Variants in TSPEAR observed in about 807,000 individuals in gnomAD.
TSPEAR encodes the protein thrombospondin type laminin G domain and EAR repeats.
In TSPEAR, 69 loss-of-function variants were observed where a neutral mutation model predicts 71.6. The observed-to-expected ratio is 0.96, with a 90% CI of 0.79 to 1.18. The LOEUF (loss-of-function observed/expected upper bound fraction) is 1.18, where lower values mean the gene tolerates loss of function less well. Ranked by LOEUF, TSPEAR falls within the 50% of genes most tolerant of loss-of-function variation. TSPEAR has a pLI of 0.00. For synonymous variants in TSPEAR, 402 were observed against 387.2 expected, an observed-to-expected ratio of 1.04 and a Z score of -0.45; for missense variants, 971 against 894.9, an observed-to-expected ratio of 1.09 and a Z score of -1.09.
chr21:44,600,342 CA>C lies in TSPEAR; in HGVS notation c.83-32338del, dbSNP rs1555928275. Among the ~76,000 whole-genome samples the C allele has an allele frequency of 2.0e-5, 3 of 152,234 alleles. No homozygotes were observed. In the South Asian group the frequency reaches 6.2e-4, roughly 32 times the overall value. On this transcript the variant is annotated intron_variant, in intron 1 of 11. Transcript: ENST00000323084. ...CTACTTCAATATTATGCTCTGGAGCCAAAGGTAGGTGAGGGTGCGTCAACGG... is the reference window on the plus strand; with the variant it reads ...CTACTTCAATATTATGCTCTGGAGCCAAGGTAGGTGAGGGTGCGTCAACGG...
chr21:44,549,911 G>C (rs1367068147), intron 2 of TSPEAR, among the ~76,000 whole-genome samples: 1 of 152,230 alleles, frequency 6.6e-6, no homozygotes, highest in Non-Finnish European at 1.5e-5. Flanking sequence ...GCCCCTGAGC[G>C]TATGTGAGTG....
At chr21:44,550,875 G>A (rs2053408412) in intron 2 of TSPEAR, 1 of 1,535,490 alleles carries the variant, frequency 6.5e-7, no homozygotes, top group South Asian at 1.2e-5. Flanking sequence ...ACAGCAGATG[G>A]ACTTGCAGCA....
chr21:44,646,079 C>T (rs11088954), intron 1 of TSPEAR, among the ~76,000 whole-genome samples: 69,369 of 136,816 alleles, frequency 0.51, 17,396 homozygotes, highest in East Asian at 0.62. Context: ...GAGCTGAGAT[C>T]GCGCCACTGC....
intron 9 of TSPEAR, among the ~76,000 whole-genome samples, chr21:44,514,530 A>G (rs587771798): frequency 1.3e-5 from 2 of 152,356 alleles, no homozygotes; most frequent in African/African-American, 2.4e-5. Context: ...GACAGCTGCA[A>G]TCACAGAAGC....
intron 1 of TSPEAR, among the ~76,000 whole-genome samples, chr21:44,653,902 A>G (rs1984960843): frequency 6.6e-6 from 1 of 152,188 alleles, no homozygotes; most frequent in Admixed American, 6.5e-5. Context: ...CCTTCTCTGC[A>G]GGGAAGGAGC....
At chr21:44,673,040 C>T (rs1007170617) in intron 1 of TSPEAR, among the ~76,000 whole-genome samples, 1 of 152,150 alleles carries the variant, frequency 6.6e-6, no homozygotes, top group African/African-American at 2.4e-5. Flanking sequence ...AATGCAAGAA[C>T]GTACTAATAC....
chr21:44,522,399 G>T lies in TSPEAR; in HGVS notation c.1337-287C>A, dbSNP rs587672083. Among the ~76,000 whole-genome samples, 3 of 152,342 alleles carry T rather than the reference G, an allele frequency of 2.0e-5. No individual in the cohort carries two copies. The East Asian group carries it at 5.8e-4, about 29-fold the overall frequency. ...TCCATGGCCTCCCCGTGTCCTGGAG[G>T]TGGGGCCCACCGTGTCCTGGCCCCG... On this transcript the variant is annotated intron_variant, in intron 8 of 11. Coordinates refer to ENST00000323084, the MANE Select transcript of TSPEAR (RefSeq NM_144991.3).
In TSPEAR at chr21:44,637,216, T is replaced by C. The variant is rs1460131880; in HGVS notation, c.83-69211A>G. ...TTAGGAGCAGAGTGAGGACAAGTCATGGCAAAGGAAGCAGAAATAATGAGG... is the reference window on the plus strand; with the variant it reads ...TTAGGAGCAGAGTGAGGACAAGTCACGGCAAAGGAAGCAGAAATAATGAGG... On this transcript the variant is annotated intron_variant, in intron 1 of 11. Coordinates refer to ENST00000323084, the MANE Select transcript of TSPEAR (RefSeq NM_144991.3). 20 of 714,846 alleles carry C rather than the reference T, an allele frequency of 2.8e-5. No homozygotes were observed. The African/African-American group carries it at 3.2e-4, about 12-fold the overall frequency. The allele number at this position is 714,846 out of a possible 1,614,324, so 44.3% of individuals were successfully genotyped here.
intron 1 of TSPEAR, among the ~76,000 whole-genome samples, chr21:44,696,069 G>C (rs1185387469): frequency 2.0e-5 from 3 of 152,068 alleles, no homozygotes; most frequent in Non-Finnish European, 4.4e-5. Flanking sequence ...CAACCTCCTA[G>C]AACAACCCCT....
rs587669590 is a variant in TSPEAR, at chr21:44,516,811, T to TCTATGTACGCTGCTTTTCAACAAGTTTC, written c.1566+5044_1566+5071dup. ...ACCTGCTTCGTCCTTGGACCTGTGA[T>TCTATGTACGCTGCTTTTCAACAAGTTTC]CTATGTACGCTGCTTTTCAACAAGT... On this transcript the variant is annotated intron_variant, in intron 9 of 11. Coordinates refer to ENST00000323084, the MANE Select transcript of TSPEAR (RefSeq NM_144991.3). Among the ~76,000 whole-genome samples the TCTATGTACGCTGCTTTTCAACAAGTTTC allele has an allele frequency of 7.6e-4, 116 of 152,328 alleles. 1 individual carries two copies. Among genetic ancestry groups the TCTATGTACGCTGCTTTTCAACAAGTTTC allele is most frequent in the African/African-American group, 2.7e-3 (112 of 41,576 alleles).
intron 1 of TSPEAR, among the ~76,000 whole-genome samples, chr21:44,662,553 A>C (rs887078181): frequency 1.3e-5 from 2 of 152,254 alleles, no homozygotes; most frequent in Non-Finnish European, 2.9e-5. Context: ...TTCAGCTTCA[A>C]GAGAACAAGT....
At chr21:44,669,791 A>G (rs1985970423) in intron 1 of TSPEAR, among the ~76,000 whole-genome samples, 1 of 152,182 alleles carries the variant, frequency 6.6e-6, no homozygotes, top group African/African-American at 2.4e-5. Flanking sequence ...TCCCACCCCC[A>G]GAGGTCCTAC....
In TSPEAR at chr21:44,604,838, G is replaced by A. The variant is rs77476004; in HGVS notation, c.83-36833C>T. The stretch of plus-strand genomic sequence containing the variant: ...TTCAAATGGTCTTTTGCATCTATTG[G>A]GGTGATCATGTGTTTTTTGTCTCTA... On this transcript the variant is annotated intron_variant, in intron 1 of 11. Transcript: ENST00000323084. Among the ~76,000 whole-genome samples the A allele has an allele frequency of 8.2e-3, 1,244 of 152,254 alleles. 19 individuals are homozygous for A. The highest frequency in any genetic ancestry group is 0.028 in the African/African-American group (1,179 of 41,536).
At chr21:44,646,905 C>T (rs587737672) in intron 1 of TSPEAR, 571 of 1,611,698 alleles carry the variant, frequency 3.5e-4, no homozygotes, top group South Asian at 6.7e-4. Flanking sequence ...GCTGTGTGCC[C>T]GTCTGCTGCA....
chr21:44,587,210 T>G (rs1202507799), intron 1 of TSPEAR, among the ~76,000 whole-genome samples: 3 of 152,194 alleles, frequency 2.0e-5, no homozygotes, highest in African/African-American at 7.2e-5. Flanking sequence ...GCAAAATTAA[T>G]GTACACAAAT....
At chr21:44,574,971 G>A (rs782020049) in intron 1 of TSPEAR, 16 of 1,611,748 alleles carry the variant, frequency 9.9e-6, no homozygotes, top group East Asian at 2.2e-5. Flanking sequence ...CTGACGCCCC[G>A]TGTGCTCCCG....
intron 1 of TSPEAR, chr21:44,654,655 G>A (rs782626955): frequency 2.9e-6 from 4 of 1,362,372 alleles, no homozygotes; most frequent in Admixed American, 2.6e-5. Context: ...GGACAGGGCT[G>A]GTCTGGAGCC....
intron 2 of TSPEAR, among the ~76,000 whole-genome samples, chr21:44,538,130 A>AG (rs2053123330): frequency 6.6e-6 from 1 of 152,152 alleles, no homozygotes; most frequent in East Asian, 1.9e-4. Flanking sequence ...GCAGCATCCC[A>AG]GGGGCGGGCA....
intron 1 of TSPEAR, among the ~76,000 whole-genome samples, chr21:44,603,108 G>A (rs1236119561): frequency 6.6e-6 from 1 of 152,112 alleles, no homozygotes; most frequent in Non-Finnish European, 1.5e-5. Context: ...TAGGTTTCAT[G>A]AGGAGCAGAG....
Sources: gnomAD v4.1 joint callset for allele counts (sites outside exome capture counted in the v4.1 genomes callset) on GRCh38, gnomAD v4.1.1 for gene constraint, MANE v1.5 for transcripts, NCBI Gene and HGNC (gene_info 2026-07-23, HGNC 2026-07-21) for gene names.